The following ATP8B4 variants were observed in gnomAD, a reference collection of about 807,000 sequenced individuals.
ATP8B4 encodes probable phospholipid-transporting ATPase IM.
ATP8B4 carries 133 observed loss-of-function variants against 145.6 expected under a neutral mutation model. The observed-to-expected ratio is 0.91, with a 90% CI of 0.79 to 1.05. The LOEUF (loss-of-function observed/expected upper bound fraction) is 1.05. Among genes scored for constraint, ATP8B4 ranks in the 50% least tolerant of loss-of-function variants. The probability of loss-of-function intolerance (pLI) is 0.00; values close to 1 mark genes in which losing one functional copy is unlikely to be tolerated. For missense variants in ATP8B4, 1,458 were observed against 1,425.2 expected, an observed-to-expected ratio of 1.02 and a Z score of -0.37; for synonymous variants, 507 against 492.9, an observed-to-expected ratio of 1.03 and a Z score of -0.38.
chr15:49,967,066 T>G (rs565296177), intron 13 of ATP8B4, among the ~76,000 whole-genome samples: 1 of 152,042 alleles, frequency 6.6e-6, no homozygotes, highest in Non-Finnish European at 1.5e-5. Flanking sequence ...CAGAAGTGAA[T>G]AGCATCAACA....
chr15:49,935,808 T>C (rs2041687354), intron 14 of ATP8B4, among the ~76,000 whole-genome samples: 1 of 152,140 alleles, frequency 6.6e-6, no homozygotes, highest in African/African-American at 2.4e-5. Context: ...TTCTCCACTT[T>C]CTTTTTCCAA....
At chr15:49,929,748 A>G (rs2067885) in intron 16 of ATP8B4, among the ~76,000 whole-genome samples, 34,038 of 151,996 alleles carry the variant, frequency 0.22, 4,904 homozygotes, top group Non-Finnish European at 0.31. Flanking sequence ...GAAAGTTTAC[A>G]GAGACCAAAA....
At chr15:49,976,046 A>C (rs1172142432) in intron 12 of ATP8B4, among the ~76,000 whole-genome samples, 1 of 152,102 alleles carries the variant, frequency 6.6e-6, no homozygotes, top group Non-Finnish European at 1.5e-5. Flanking sequence ...CAAGTTCTAA[A>C]AGTACATGAC....
chr15:50,073,019 T>TATATACACACAC (rs1455088682), intron 3 of ATP8B4, among the ~76,000 whole-genome samples: 7 of 32,448 alleles, frequency 2.2e-4, no homozygotes, highest in East Asian at 1.3e-3. Context: ...TATATATATA[T>TATATACACACAC]ACACACACAC....
intron 20 of ATP8B4, among the ~76,000 whole-genome samples, chr15:49,913,434 T>C (rs2039437923): frequency 6.6e-6 from 1 of 151,508 alleles, no homozygotes; most frequent in South Asian, 2.1e-4. Flanking sequence ...TGAGGAAGAG[T>C]TGAAACCCTT....
chr15:50,049,659 G>A (rs779556362), intron 3 of ATP8B4, among the ~76,000 whole-genome samples: 1 of 152,178 alleles, frequency 6.6e-6, no homozygotes, highest in Non-Finnish European at 1.5e-5. Flanking sequence ...TCCATTGGGT[G>A]TATACCCAGT....
chr15:50,169,365 G>A (rs1217854526), intron 1 of ATP8B4, among the ~76,000 whole-genome samples: 1 of 152,186 alleles, frequency 6.6e-6, no homozygotes, highest in East Asian at 1.9e-4. Context: ...ACTCTGTGTG[G>A]ACAACCACCA....
intron 3 of ATP8B4, among the ~76,000 whole-genome samples, chr15:50,072,054 TAATA>T (rs913218025): frequency 7.0e-4 from 105 of 150,962 alleles, no homozygotes; most frequent in African/African-American, 2.4e-3. Context: ...ATTAATTAAT[TAATA>T]ATTGATTAAT....
chr15:50,038,848 T>C lies in ATP8B4; in HGVS notation c.301-19A>G. 6.2e-7 allele frequency: 1 copy of C among 1,609,132 alleles called. No individual in the cohort carries two copies. ...GGCGAAACTGAAAAATCAAAGTGTT[T>C]GTGAGAAAACACATTACAAGGTACT... On this transcript the variant is annotated intron_variant, in intron 5 of 27. Transcript: ENST00000284509.
At chr15:50,177,011 A>G (rs547679757) in intron 1 of ATP8B4, among the ~76,000 whole-genome samples, 1 of 152,238 alleles carries the variant, frequency 6.6e-6, no homozygotes, top group East Asian at 1.9e-4. Context: ...CTGTATGCCT[A>G]TACTCAAATG....
Position 50,094,712 on chromosome 15 carries a change from C to CTA in ATP8B4, c.28+12225_28+12226dup, listed in dbSNP as rs10546915. 3.2e-3 allele frequency among the ~76,000 whole-genome samples: 469 copies of CTA among 144,988 alleles called. 3 individuals carry two copies. Among genetic ancestry groups the CTA allele is most frequent in the African/African-American group, 0.01 (400 of 39,502 alleles). On this transcript the variant is annotated intron_variant, in intron 2 of 27. Coordinates refer to ENST00000284509, the MANE Select transcript of ATP8B4 (RefSeq NM_024837.4). ...TATGTGTGTGTGTATATATATACTA[C>CTA]TATATATATATATATACACACACAC...
At chr15:50,134,597 G>GA (rs2044096841) in intron 1 of ATP8B4, among the ~76,000 whole-genome samples, 3 of 152,070 alleles carry the variant, frequency 2.0e-5, no homozygotes, top group South Asian at 2.1e-4. Context: ...GAAATCAGGG[G>GA]AAAAAACATA....
intron 14 of ATP8B4, among the ~76,000 whole-genome samples, chr15:49,953,950 C>T (rs571422573): frequency 3.3e-5 from 5 of 152,340 alleles, no homozygotes; most frequent in African/African-American, 1.2e-4. Context: ...GTATGTCTCT[C>T]AGGTAGGCCG....
Position 49,860,177 on chromosome 15 carries a change from T to A in ATP8B4, c.*17A>T. On this transcript the variant is annotated 3_prime_UTR_variant, in exon 28 of 28. Coordinates refer to ENST00000284509, the MANE Select transcript of ATP8B4 (RefSeq NM_024837.4). ...CTGAAGTGAAAAGATAACTACGTGG[T>A]TTAAATTCATATTGACTCACAGTTT... 1 of 1,595,360 alleles carries A rather than the reference T, an allele frequency of 6.3e-7. No individual in the cohort carries two copies. Among genetic ancestry groups the A allele is most frequent in the South Asian group, 1.1e-5 (1 of 87,808 alleles).
chr15:50,166,876 C>T (rs1381470113), intron 1 of ATP8B4, among the ~76,000 whole-genome samples: 1 of 152,078 alleles, frequency 6.6e-6, no homozygotes, highest in Non-Finnish European at 1.5e-5. Flanking sequence ...TTTCATAGTA[C>T]TGAGGGTGAA....
chr15:50,060,010 T>C (rs1281663764), intron 3 of ATP8B4, among the ~76,000 whole-genome samples: 1 of 152,148 alleles, frequency 6.6e-6, no homozygotes, highest in Non-Finnish European at 1.5e-5. Flanking sequence ...CAATTGTCAT[T>C]TCCAGTACTG....
Position 49,897,364 on chromosome 15 carries a change from A to C in ATP8B4, c.2625T>G (p.Tyr875Ter), listed in dbSNP as rs767774177. The change falls in exon 23 of 28, where the codon TAT becomes TAG. Residue 875 changes from tyrosine (Y) to a stop codon, truncating the protein, a stop_gained. Transcript: ENST00000284509. LOFTEE classifies it high-confidence loss of function. ...TAAATGCAAAATTCTTATAGAAGAAATAGCATAAGAATTTGCACATTCGGA... is the reference window on the plus strand; with the variant it reads ...TAAATGCAAAATTCTTATAGAAGAACTAGCATAAGAATTTGCACATTCGGA... Reference protein sequence around the residue: ...SYFRMCKFLCYFFYKNFAFTL... With the variant: ...SYFRMCKFLC 14 of 1,613,986 alleles carry C rather than the reference A, an allele frequency of 8.7e-6. No homozygotes were observed. The highest frequency in any genetic ancestry group is 6.7e-5 in the Admixed American group (4 of 60,014).
chr15:50,042,065 G>A (rs1156572337), intron 5 of ATP8B4, among the ~76,000 whole-genome samples: 1 of 151,562 alleles, frequency 6.6e-6, no homozygotes, highest in Non-Finnish European at 1.5e-5. Context: ...TGAGGCAAGA[G>A]AATTGCTTGA....
intron 13 of ATP8B4, among the ~76,000 whole-genome samples, chr15:49,969,830 T>C (rs1295070557): frequency 6.6e-6 from 1 of 152,080 alleles, no homozygotes; most frequent in Admixed American, 6.6e-5. Flanking sequence ...AAAAGAAAAT[T>C]TCAGACCAAT....
Sources: gnomAD v4.1 joint callset for allele counts (sites outside exome capture counted in the v4.1 genomes callset) on GRCh38, gnomAD v4.1.1 for gene constraint, MANE v1.5 for transcripts, NCBI Gene and HGNC (gene_info 2026-07-23, HGNC 2026-07-21) for gene names.